The following SIPA1L1 variants were observed in gnomAD, a reference collection of about 807,000 sequenced individuals.
SIPA1L1 encodes the protein signal-induced proliferation-associated 1-like protein 1.
Under a neutral mutation model 162.7 loss-of-function variants are expected in SIPA1L1, and 26 were observed. That is an observed-to-expected ratio of 0.16 (90% confidence interval 0.12 to 0.22). SIPA1L1 has a LOEUF of 0.22. Ranked by LOEUF, SIPA1L1 falls within the 10% of genes least tolerant of loss-of-function variation. The probability of loss-of-function intolerance (pLI) is 1.00; values close to 1 mark genes in which losing one functional copy is unlikely to be tolerated. For missense variants in SIPA1L1, 1,874 were observed against 2,241.0 expected (o/e 0.84, Z 3.31); for synonymous variants, 829 against 837.4 (o/e 0.99, Z 0.17).
intron 16 of SIPA1L1, among the ~76,000 whole-genome samples, chr14:71,706,322 C>T (rs981998945): frequency 9.9e-5 from 15 of 152,168 alleles, no homozygotes; most frequent in African/African-American, 4.8e-5. Context: ...AATTTCCCCT[C>T]CCTCGTTAAT....
chr14:71,622,680 T>C (rs2039571338), intron 6 of SIPA1L1, among the ~76,000 whole-genome samples: 1 of 152,248 alleles, frequency 6.6e-6, no homozygotes, highest in African/African-American at 2.4e-5. Flanking sequence ...GAAAAGAAAT[T>C]GTTTATAATG....
At chr14:71,544,204 T>A (rs1054911624) in intron 4 of SIPA1L1, among the ~76,000 whole-genome samples, 1 of 151,494 alleles carries the variant, frequency 6.6e-6, no homozygotes, top group African/African-American at 2.4e-5. Flanking sequence ...TATGCATGTA[T>A]GCACATGCAT....
intron 6 of SIPA1L1, among the ~76,000 whole-genome samples, chr14:71,620,499 G>T (rs1443979356): frequency 6.6e-6 from 1 of 152,036 alleles, no homozygotes; most frequent in Non-Finnish European, 1.5e-5. Flanking sequence ...TTTCTGTGTT[G>T]TTTTTTTGTC....
chr14:71,424,027 C>G (rs1388327514), intron 2 of SIPA1L1, among the ~76,000 whole-genome samples: 1 of 151,872 alleles, frequency 6.6e-6, no homozygotes, highest in Non-Finnish European at 1.5e-5. Context: ...TTGTTTAATT[C>G]CTAGGTATTT....
At chr14:71,540,313 A>T (rs1335092391) in intron 4 of SIPA1L1, among the ~76,000 whole-genome samples, 3 of 152,186 alleles carry the variant, frequency 2.0e-5, no homozygotes, top group East Asian at 3.8e-4. Flanking sequence ...TTTCCAGTGC[A>T]TACTGAAATC....
chr14:71,485,856 TA>T (rs2048712288), intron 2 of SIPA1L1, among the ~76,000 whole-genome samples: 1 of 152,264 alleles, frequency 6.6e-6, no homozygotes, highest in Admixed American at 6.5e-5. Flanking sequence ...ACCTGGCTTG[TA>T]AAACACAAGG....
chr14:71,471,225 C>T (rs2047431150), intron 2 of SIPA1L1, among the ~76,000 whole-genome samples: 1 of 152,178 alleles, frequency 6.6e-6, no homozygotes, highest in Non-Finnish European at 1.5e-5. Context: ...AATCCCAGGA[C>T]TTTGGGAGGC....
chr14:71,658,267 A>G (rs1354310565), intron 8 of SIPA1L1, 66 bp from the exon 9 acceptor site: 7 of 808,802 alleles, frequency 8.7e-6, no homozygotes, highest in Middle Eastern at 2.3e-4. Context: ...TTTTTGAGAT[A>G]TTTCTCTTAA....
At position 71,671,417 on chromosome 14, in the gene SIPA1L1, G is replaced by A. The variant is rs1435407556; in HGVS notation, c.2554G>A (p.Glu852Lys). Residue 852 changes from glutamate to lysine, a missense_variant, in exon 11 of 24, where the codon GAG becomes AAG. Physicochemically the swap from Glu to Lys is moderately conservative, Grantham distance 56. Transcript: ENST00000381232. Reference protein sequence around the residue: ...KEKSKPYPGAELSSMGAIVWA... With the variant: ...KEKSKPYPGAKLSSMGAIVWA... Reference sequence around the variant, plus strand: ...AAAGTCTAAGCCATATCCAGGAGCCGAGCTCAGCAGCATGGGGGCCATTGT... The same window carrying A: ...AAAGTCTAAGCCATATCCAGGAGCCAAGCTCAGCAGCATGGGGGCCATTGT... 14 of 1,614,042 alleles carry A rather than the reference G, an allele frequency of 8.7e-6. No homozygotes were observed. The highest frequency in any genetic ancestry group is 1.7e-5 in the Admixed American group (1 of 59,990).
rs568558473 is a variant in SIPA1L1, at chr14:71,612,623, G to T, written c.1499-6134G>T. Among the ~76,000 whole-genome samples the T allele has an allele frequency of 4.9e-4, 75 of 152,264 alleles. 3 individuals carry two copies. Among genetic ancestry groups the T allele is most frequent in the African/African-American group, 1.8e-3 (74 of 41,556 alleles). On this transcript the variant is annotated intron_variant, in intron 5 of 23. Transcript: ENST00000381232. ...TTAATACATAGCCTGCAGATACCAT[G>T]ATAACCAGTGCAAGTGACAAAAAAT...
At chr14:71,731,124 G>T (rs2084732129) in intron 20 of SIPA1L1, among the ~76,000 whole-genome samples, 3 of 152,208 alleles carry the variant, frequency 2.0e-5, no homozygotes, top group East Asian at 1.9e-4. Context: ...TATATCTCCA[G>T]TGTCCATTCA....
At position 71,672,462 on chromosome 14, in the gene SIPA1L1, T is replaced by C; in HGVS notation, c.2944T>C (p.Tyr982His). 6.2e-7 allele frequency: 1 copy of C among 1,614,212 alleles called. No homozygotes were observed. Among genetic ancestry groups the C allele is most frequent in the Non-Finnish European group, 8.5e-7 (1 of 1,180,022 alleles). Residue 982 changes from tyrosine (Y) to histidine (H), a missense_variant, in exon 12 of 24, where the codon TAT (tyrosine) becomes CAT (histidine). Transcript: ENST00000381232. ...GIVADVEPYG[Y>H]AWQAGLRQGS... ...TGTGGCGGATGTGGAGCCCTACGGT[T>C]ATGCCTGGCAGGCAGGGCTGAGGCA...
chr14:71,737,713 A>G (rs931394654), intron 22 of SIPA1L1, among the ~76,000 whole-genome samples: 2 of 152,196 alleles, frequency 1.3e-5, no homozygotes, highest in African/African-American at 2.4e-5. Context: ...CTAACAAGAT[A>G]CTTAGACCAG....
chr14:71,489,488 G>T (rs931944009), intron 2 of SIPA1L1, among the ~76,000 whole-genome samples: 4 of 152,076 alleles, frequency 2.6e-5, no homozygotes, highest in Admixed American at 2.6e-4. Flanking sequence ...TAGAGAACAT[G>T]GAAAGAAAAT....
At chr14:71,449,135 G>A (rs2045629398) in intron 2 of SIPA1L1, among the ~76,000 whole-genome samples, 1 of 152,192 alleles carries the variant, frequency 6.6e-6, no homozygotes, top group Non-Finnish European at 1.5e-5. Flanking sequence ...GCAGGACTGG[G>A]TGACCTTCAT....
intron 3 of SIPA1L1, among the ~76,000 whole-genome samples, chr14:71,517,034 C>G (rs963896719): frequency 6.6e-6 from 1 of 151,866 alleles, no homozygotes; most frequent in Non-Finnish European, 1.5e-5. Context: ...GTGAATGGTG[C>G]TTTCTCAAGA....
intron 19 of SIPA1L1, among the ~76,000 whole-genome samples, chr14:71,726,818 C>A (rs1322117611): frequency 6.6e-6 from 1 of 152,128 alleles, no homozygotes; most frequent in African/African-American, 2.4e-5. Flanking sequence ...TTCTGAGAGT[C>A]GTCATCTGAA....
intron 12 of SIPA1L1, among the ~76,000 whole-genome samples, chr14:71,675,361 C>T (rs1379915596): frequency 1.7e-5 from 2 of 120,578 alleles, no homozygotes; most frequent in Non-Finnish European, 3.7e-5. Flanking sequence ...ACTACAGTTT[C>T]CATCTGAAAA....
chr14:71,622,590 T>C (rs193149541), intron 6 of SIPA1L1, among the ~76,000 whole-genome samples: 7 of 152,318 alleles, frequency 4.6e-5, no homozygotes, highest in Admixed American at 3.9e-4. Flanking sequence ...AGTTAACGAT[T>C]TTCCATGATT....
Sources: gnomAD v4.1 joint callset for allele counts (sites outside exome capture counted in the v4.1 genomes callset) on GRCh38, gnomAD v4.1.1 for gene constraint, MANE v1.5 for transcripts, NCBI Gene and HGNC (gene_info 2026-07-23, HGNC 2026-07-21) for gene names.